Variants in TCF25 observed in about 807,000 individuals in gnomAD.
TCF25 encodes the protein ribosome quality control complex subunit TCF25.
Under a neutral mutation model 83.1 loss-of-function variants are expected in TCF25, and 41 were observed. That is an observed-to-expected ratio of 0.49 (90% CI 0.38 to 0.64). The LOEUF (loss-of-function observed/expected upper bound fraction) is 0.64, where lower values mean the gene tolerates loss of function less well. Among genes scored for constraint, TCF25 ranks in the 30% least tolerant of loss-of-function variants. The pLI is 0.00. For missense variants in TCF25, 979 were observed against 914.5 expected, an observed-to-expected ratio of 1.07 and a Z score of -0.91; for synonymous variants, 458 against 365.0, an observed-to-expected ratio of 1.25 and a Z score of -2.90.
Position 89,885,939 on chromosome 16 carries a change from G to GCTCCA in TCF25, c.521_522insCTCCA (p.Arg174SerfsTer14). On this transcript the variant is annotated frameshift_variant, in exon 4 of 18. Coordinates refer to ENST00000263346, the MANE Select transcript of TCF25 (RefSeq NM_014972.3). LOFTEE classifies it high-confidence loss of function. Reference sequence around the variant, plus strand: ...CCCGGCCCAGCTCCCCTGAGCTCCAGGAAGCACGTTCTCTACGTGGAGCAC... The same window carrying GCTCCA: ...CCCGGCCCAGCTCCCCTGAGCTCCAGCTCCAGAAGCACGTTCTCTACGTGGAGCAC... 1 of 1,565,048 alleles carries GCTCCA rather than the reference G, an allele frequency of 6.4e-7. No homozygotes were observed. The highest frequency in any genetic ancestry group is 8.7e-7 in the Non-Finnish European group (1 of 1,153,500).
chr16:89,905,603 A>G (rs1438395859), intron 14 of TCF25, among the ~76,000 whole-genome samples: 1 of 152,182 alleles, frequency 6.6e-6, no homozygotes, highest in Non-Finnish European at 1.5e-5. Context: ...TGGTGTGGCC[A>G]GGCTCAGGAC....
chr16:89,898,840 G>C lies in TCF25; in HGVS notation c.1189G>C (p.Glu397Gln). The part of the protein sequence containing the change: ...DHLALRARNY[E>Q]YLIRLFQEWE... ...CCTGGCCTTGCGGGCCCGGAACTAC[G>C]AGTACCTGATCCGCCTCTTCCAGGA... The change falls in exon 11 of 18, where the codon GAG becomes CAG. Residue 397 changes from glutamate (E) to glutamine (Q), a missense_variant. Transcript: ENST00000263346. 1 of 1,613,868 alleles carries C rather than the reference G, an allele frequency of 6.2e-7. No homozygotes were observed.
intron 1 of TCF25, among the ~76,000 whole-genome samples, chr16:89,883,043 T>C (rs1277886122): frequency 2.0e-5 from 3 of 152,244 alleles, no homozygotes; most frequent in Admixed American, 2.0e-4. Context: ...GTCCTGCAGA[T>C]GGTCCTCTGT....
intron 15 of TCF25, 46 bp from the exon 16 acceptor site, chr16:89,907,197 C>A: frequency 6.3e-7 from 1 of 1,594,488 alleles, no homozygotes; most frequent in Non-Finnish European, 8.6e-7. Context: ...GGTAGAGGCC[C>A]CCTGGCAGCA....
At chr16:89,905,157 C>G in intron 14 of TCF25, 61 bp downstream of exon 14, 1 of 1,482,832 alleles carries the variant, frequency 6.7e-7, no homozygotes, top group East Asian at 2.4e-5. Flanking sequence ...TCATCCCAGA[C>G]ACGGGGGCCT....
At chr16:89,879,430 G>A (rs1221522062) in intron 1 of TCF25, among the ~76,000 whole-genome samples, 19 of 119,848 alleles carry the variant, frequency 1.6e-4, no homozygotes, top group African/African-American at 5.5e-4. Flanking sequence ...GATGGGCTTC[G>A]GGGCCTGTCA....
intron 5 of TCF25, among the ~76,000 whole-genome samples, chr16:89,890,892 C>T (rs955852148): frequency 6.6e-6 from 1 of 151,982 alleles, no homozygotes; most frequent in Admixed American, 6.6e-5. Flanking sequence ...TTAAGTCCTA[C>T]CAAAAGACTT....
chr16:89,910,778 G>C, intron 17 of TCF25, 115 bp downstream of exon 17: 1 of 1,254,882 alleles, frequency 8.0e-7, no homozygotes, highest in Non-Finnish European at 1.1e-6. Context: ...ACAGGGAGCA[G>C]GGAAGGACCA....
chr16:89,878,361 G>A, intron 1 of TCF25: 1 of 1,107,006 alleles, frequency 9.0e-7, no homozygotes, highest in Non-Finnish European at 1.1e-6. Context: ...CAAGGCGGGT[G>A]GACCACCTGA....
intron 6 of TCF25, among the ~76,000 whole-genome samples, chr16:89,892,992 A>C (rs1202740222): frequency 2.0e-5 from 3 of 152,208 alleles, no homozygotes; most frequent in Non-Finnish European, 2.9e-5. Context: ...CTGTAAGGAC[A>C]CATCTAGGAG....
Position 89,884,509 on chromosome 16 carries a change from G to A in TCF25, c.355-73G>A, listed in dbSNP as rs113593914. 8.9e-4 allele frequency: 1,365 copies of A among 1,527,524 alleles called. 13 individuals are homozygous for A. In the African/African-American group the frequency reaches 0.017, roughly 19 times the overall value. The allele number at this position is 1,527,524 out of a possible 1,614,324, so 94.6% of individuals were successfully genotyped here. On this transcript the variant is annotated intron_variant, in intron 2 of 17. Transcript: ENST00000263346. ...GCTGCTTAGGTGAGGGTGGAGTCACGCTTGCTGCTTTAATTCTCACTTCTT... is the reference window on the plus strand; with the variant it reads ...GCTGCTTAGGTGAGGGTGGAGTCACACTTGCTGCTTTAATTCTCACTTCTT...
At chr16:89,899,298 A>G (rs1472390791) in intron 11 of TCF25, among the ~76,000 whole-genome samples, 1 of 152,302 alleles carries the variant, frequency 6.6e-6, no homozygotes, top group East Asian at 1.9e-4. Flanking sequence ...CCATGGGAAG[A>G]GTGTGAGTAC....
chr16:89,876,314 C>T (rs1310753122), intron 1 of TCF25, among the ~76,000 whole-genome samples: 1 of 152,188 alleles, frequency 6.6e-6, no homozygotes, highest in African/African-American at 2.4e-5. Context: ...TGTTTATTGG[C>T]ATTCTGTTAA....
chr16:89,904,311 A>AGGAGGGGC lies in TCF25; in HGVS notation c.1469+107_1469+114dup, dbSNP rs1322138922. The AGGAGGGGC allele has an allele frequency of 5.4e-6, 7 of 1,290,060 alleles. No individual in the cohort carries two copies. In the East Asian group the frequency reaches 1.5e-4, roughly 28 times the overall value. The allele number at this position is 1,290,060 out of a possible 1,614,324, so 79.9% of individuals were successfully genotyped here. A position where few individuals can be genotyped will look rare whatever the true frequency, so the allele number is the denominator to read the frequency against. Reference sequence around the variant, plus strand: ...CCCTGAGGGACCTGCTTCCAGCAGCAGGAGGGGCTGTGGTGGCGGCCTCGG... The same window carrying AGGAGGGGC: ...CCCTGAGGGACCTGCTTCCAGCAGCAGGAGGGGCGGAGGGGCTGTGGTGGCGGCCTCGG... On this transcript the variant is annotated intron_variant, in intron 13 of 17. Coordinates refer to ENST00000263346, the MANE Select transcript of TCF25 (RefSeq NM_014972.3).
intron 10 of TCF25, 35 bp downstream of exon 10, chr16:89,898,684 T>C (rs1243524429): frequency 6.2e-7 from 1 of 1,611,978 alleles, no homozygotes; most frequent in Admixed American, 1.7e-5. Flanking sequence ...CCGTCCACGC[T>C]CCCTGTCCTG....
intron 12 of TCF25, among the ~76,000 whole-genome samples, chr16:89,902,851 T>G (rs1475540813): frequency 6.6e-6 from 1 of 152,138 alleles, no homozygotes; most frequent in Non-Finnish European, 1.5e-5. Context: ...CATCGCCTAT[T>G]AGGATGTCCT....
chr16:89,894,464 C>G (rs1187450184), intron 7 of TCF25, among the ~76,000 whole-genome samples: 2 of 152,220 alleles, frequency 1.3e-5, no homozygotes, highest in Non-Finnish European at 2.9e-5. Context: ...AGCTCCCCGT[C>G]ATCTCCCTGT....
At chr16:89,904,462 A>C in intron 13 of TCF25, 2 of 553,034 alleles carry the variant, frequency 3.6e-6, no homozygotes, top group East Asian at 3.1e-5. Flanking sequence ...GCGTGGCGGC[A>C]CATGCCTGTA....
At chr16:89,901,027 T>TG in intron 12 of TCF25, 1 of 448,362 alleles carries the variant, frequency 2.2e-6, no homozygotes, top group African/African-American at 1.9e-5. Flanking sequence ...CCGACCCCCG[T>TG]GGGGCCTGTG....
Sources: allele counts gnomAD v4.1 joint callset (sites outside exome capture counted in the v4.1 genomes callset), GRCh38; gene constraint gnomAD v4.1.1; transcripts MANE v1.5; gene names NCBI Gene and HGNC (gene_info 2026-07-23, HGNC 2026-07-21).